DMD: variants seen among roughly 807,000 people sequenced by gnomAD.
The protein encoded by DMD is mutant dystrophin.
A neutral mutation model predicts 330.1 loss-of-function variants in DMD; 63 were observed. The ratio of observed to expected loss-of-function variants is 0.19; its 90% CI spans 0.16 to 0.24. The LOEUF is 0.24. DMD is among the 10% of genes least tolerant of loss of function. The pLI is 1.00. For missense variants in DMD, 3,344 were observed against 2,684.1 expected (o/e 1.25, Z -5.43); for synonymous variants, 1,223 against 959.8 (o/e 1.27, Z -5.07).
intron 1 of DMD, among the ~76,000 whole-genome samples, chrX:33,202,189 A>G (rs765453005): frequency 2.7e-5 from 3 of 111,829 alleles, no homozygotes; most frequent in Non-Finnish European, 5.6e-5. Flanking sequence ...TCTTGTTAGA[A>G]GATACTATGA....
intron 2 of DMD, among the ~76,000 whole-genome samples, chrX:32,963,328 T>C (rs2091979343): frequency 8.9e-6 from 1 of 111,969 alleles, no homozygotes; most frequent in South Asian, 3.7e-4. Context: ...TAAATTAATA[T>C]AACCTCAATT....
At chrX:33,280,259 C>G (rs1018158139) in intron 1 of DMD, among the ~76,000 whole-genome samples, 1 of 111,839 alleles carries the variant, frequency 8.9e-6, no homozygotes, top group Non-Finnish European at 1.9e-5. Context: ...ATGGTATTAA[C>G]AGGCACGAGC....
intron 48 of DMD, among the ~76,000 whole-genome samples, chrX:31,840,119 TACA>T (rs894807980): frequency 1.8e-5 from 2 of 111,825 alleles, no homozygotes; most frequent in Middle Eastern, 8.3e-3. Flanking sequence ...TGTCCCCCAA[TACA>T]GATCATTTGT....
At chrX:33,098,668 G>T in intron 1 of DMD, among the ~76,000 whole-genome samples, 1 of 111,706 alleles carries the variant, frequency 9.0e-6, no homozygotes, top group Middle Eastern at 4.7e-3. Context: ...AACAGCACTC[G>T]AACATAAATT....
At chrX:32,751,918 T>A (rs184379348) in intron 7 of DMD, among the ~76,000 whole-genome samples, 236 of 112,772 alleles carry the variant, frequency 2.1e-3, no homozygotes, top group Non-Finnish European at 3.3e-3. Flanking sequence ...AGCTTCCACG[T>A]CGTGTTGAGC....
At chrX:31,477,033 G>A (rs2067838183) in intron 59 of DMD, among the ~76,000 whole-genome samples, 1 of 111,649 alleles carries the variant, frequency 9.0e-6, no homozygotes, top group South Asian at 3.8e-4. Flanking sequence ...GATAAGAGGG[G>A]ACAGAAGTAG....
chrX:32,515,949 G>A (rs963858500), intron 18 of DMD, among the ~76,000 whole-genome samples: 1 of 111,299 alleles, frequency 9.0e-6, no homozygotes, highest in African/African-American at 3.3e-5. Context: ...TTATGCTTAG[G>A]TTTAAAAGTT....
chrX:31,693,790 T>C (rs989965658), intron 52 of DMD, among the ~76,000 whole-genome samples: 1 of 111,669 alleles, frequency 9.0e-6, no homozygotes, highest in African/African-American at 3.2e-5. Context: ...CACAAATAAA[T>C]GGAAAGATTT....
At chrX:32,405,069 G>A (rs1057236248) in intron 30 of DMD, among the ~76,000 whole-genome samples, 12 of 111,547 alleles carry the variant, frequency 1.1e-4, no homozygotes, top group Non-Finnish European at 7.5e-5. Flanking sequence ...ATAGAAGAGT[G>A]ATAGAAAATG....
intron 29 of DMD, among the ~76,000 whole-genome samples, chrX:32,418,239 T>C (rs2098173873): frequency 9.0e-6 from 1 of 111,405 alleles, no homozygotes; most frequent in Non-Finnish European, 1.9e-5. Flanking sequence ...CGCATCAAAC[T>C]ACTAACACAG....
At chrX:32,329,502 C>A (rs889754813) in intron 41 of DMD, among the ~76,000 whole-genome samples, 20 of 111,658 alleles carry the variant, frequency 1.8e-4, no homozygotes, top group African/African-American at 4.6e-4. Context: ...ATTAGGGAGG[C>A]CAATATATGA....
chrX:31,955,293 T>C (rs1211110488), intron 45 of DMD, among the ~76,000 whole-genome samples: 4 of 112,107 alleles, frequency 3.6e-5, no homozygotes, highest in African/African-American at 1.3e-4. Flanking sequence ...TAATCATAAA[T>C]GTAGTGGGGA....
At chrX:33,261,865 C>T (rs1027693442) in intron 1 of DMD, among the ~76,000 whole-genome samples, 1 of 109,359 alleles carries the variant, frequency 9.1e-6, no homozygotes, top group African/African-American at 3.3e-5. Context: ...AAAAGCAAAC[C>T]CTTTTACTCT....
intron 60 of DMD, among the ~76,000 whole-genome samples, chrX:31,405,550 A>G (rs1185239315): frequency 9.0e-6 from 1 of 111,526 alleles, no homozygotes; most frequent in Non-Finnish European, 1.9e-5. Context: ...ACCATCTATA[A>G]TTGACAAAAA....
chrX:32,891,520 G>A (rs768918594), intron 2 of DMD, among the ~76,000 whole-genome samples: 17 of 111,741 alleles, frequency 1.5e-4, no homozygotes, highest in Admixed American at 2.8e-4. Context: ...ATTATAAGGC[G>A]GGGAGGTAAG....
intron 55 of DMD, among the ~76,000 whole-genome samples, chrX:31,541,875 T>A (rs770929045): frequency 9.0e-6 from 1 of 111,682 alleles, no homozygotes; most frequent in South Asian, 3.8e-4. Context: ...GAAAGACACA[T>A]GCCAGATTTC....
At chrX:31,214,930 CTTTTTTCTTTTTT>C (rs1433017959) in intron 64 of DMD, among the ~76,000 whole-genome samples, 1,828 of 46,103 alleles carry the variant, frequency 0.04, 22 homozygotes, top group Middle Eastern at 0.073. Context: ...TTTTTTATTT[CTTTTTTCTTTTTT>C]TTTTTTTTTT....
At chrX:32,212,446 G>A (rs1379755331) in intron 44 of DMD, among the ~76,000 whole-genome samples, 1 of 111,484 alleles carries the variant, frequency 9.0e-6, no homozygotes, top group Non-Finnish European at 1.9e-5. Context: ...TATTCCAAGT[G>A]GCTTTATACA....
At chrX:31,734,290 T>C (rs982455919) in intron 51 of DMD, among the ~76,000 whole-genome samples, 3 of 110,639 alleles carry the variant, frequency 2.7e-5, no homozygotes, top group Admixed American at 1.9e-4. Flanking sequence ...TTAAATACTT[T>C]AGGTTTTATT....
Sources: gnomAD v4.1 joint callset for allele counts (sites outside exome capture counted in the v4.1 genomes callset) on GRCh38, gnomAD v4.1.1 for gene constraint, MANE v1.5 for transcripts, NCBI Gene and HGNC (gene_info 2026-07-23, HGNC 2026-07-21) for gene names.